The following FAM90A1 variants were observed in gnomAD, a reference collection of about 807,000 sequenced individuals.
FAM90A1 encodes the protein protein FAM90A1.
Under a neutral mutation model 14.8 loss-of-function variants are expected in FAM90A1, and 10 were observed. The ratio of observed to expected loss-of-function variants is 0.67; its 90% CI spans 0.42 to 1.14. The LOEUF is 1.14. FAM90A1 is among the 50% of genes most tolerant of loss of function. FAM90A1 has a pLI of 0.00. For missense variants in FAM90A1, 567 were observed against 602.8 expected (o/e 0.94, Z 0.62); for synonymous variants, 236 against 248.4 (o/e 0.95, Z 0.47).
At position 8,224,818 on chromosome 12, in the gene FAM90A1, A is replaced by G; in HGVS notation, c.15T>C (p.Arg5=). 1.2e-6 allele frequency: 2 copies of G among 1,608,780 alleles called. No individual in the cohort carries two copies. The highest frequency in any genetic ancestry group is 1.7e-6 in the Non-Finnish European group (2 of 1,179,834). ...GTCTCTTTGCCCCAGGTTTGGGGTC[A>G]CGACGTGCCATCATCTTCGTCTCCT... MMAR[R]DPKPGAKRLV... Residue 5 remains arginine, a synonymous_variant, in exon 4 of 7, where the codon CGT becomes CGC. Transcript: ENST00000538603.
chr12:8,223,662 T>C (rs1206943903), intron 5 of FAM90A1, 105 bp from the exon 6 acceptor site: 2 of 764,712 alleles, frequency 2.6e-6, no homozygotes, highest in Admixed American at 1.9e-5. Context: ...GATACAGAAA[T>C]GGACATCTGG....
intron 3 of FAM90A1, among the ~76,000 whole-genome samples, chr12:8,225,289 T>C (rs1358460667): frequency 3.9e-5 from 6 of 152,238 alleles, no homozygotes; most frequent in South Asian, 2.1e-4. Context: ...GGCAGGTCTG[T>C]TTGAAATCTG....
At chr12:8,225,593 C>T (rs1948925943) in intron 3 of FAM90A1, among the ~76,000 whole-genome samples, 1 of 152,156 alleles carries the variant, frequency 6.6e-6, no homozygotes, top group Non-Finnish European at 1.5e-5. Flanking sequence ...GTCCTTTTTC[C>T]ATTTACCCAC....
intron 1 of FAM90A1, among the ~76,000 whole-genome samples, chr12:8,226,894 G>T (rs185886561): frequency 7.2e-6 from 1 of 139,242 alleles, no homozygotes; most frequent in South Asian, 2.3e-4. Context: ...CAACCTCCGC[G>T]TCTCACAGTC....
At chr12:8,225,453 C>T (rs2120855835) in intron 3 of FAM90A1, among the ~76,000 whole-genome samples, 1 of 152,314 alleles carries the variant, frequency 6.6e-6, no homozygotes, top group South Asian at 2.1e-4. Flanking sequence ...GCTTTAGCTC[C>T]AGCCCCTCTT....
chr12:8,226,629 C>T (rs2965686), intron 1 of FAM90A1, among the ~76,000 whole-genome samples, 151 bp from the exon 2 acceptor site: 59,637 of 150,534 alleles, frequency 0.4, 11,194 homozygotes, highest in African/African-American at 0.55. Flanking sequence ...TCCTTAATCC[C>T]CACTGCAGCT....
At position 8,223,461 on chromosome 12, in the gene FAM90A1, A is replaced by G. The variant is rs141050284; in HGVS notation, c.420T>C (p.Ser140=). The change falls in exon 6 of 7, where the codon TCT becomes TCC. Residue 140 remains serine, a synonymous_variant. Transcript: ENST00000538603. The part of the protein sequence containing the change: ...LPNQKGSTES[S]DYLRVASGPM... ...GGGTGACCCTCACCCTCAGATAATC[A>G]GAAGATTCCGTGGATCCTTTTTGAT... The G allele has an allele frequency of 6.2e-7, 1 of 1,606,826 alleles. No homozygotes were observed. Among genetic ancestry groups the G allele is most frequent in the African/African-American group, 1.3e-5 (1 of 74,814 alleles).
In FAM90A1 at chr12:8,227,523, G is replaced by C; in HGVS notation, c.-464C>G. The stretch of plus-strand genomic sequence containing the variant: ...CCGAGGCCAGCTGGCTGCAGGTGCA[G>C]GGCTATGCGTCAGGGGTCAGGGTGC... On this transcript the variant is annotated 5_prime_UTR_variant, in exon 1 of 7. Coordinates refer to ENST00000538603, the MANE Select transcript of FAM90A1 (RefSeq NM_018088.3). 3 of 886,372 alleles carry C rather than the reference G, an allele frequency of 3.4e-6. No homozygotes were observed. The highest frequency in any genetic ancestry group is 1.8e-5 in the South Asian group (1 of 56,274). 54.9% of individuals were successfully genotyped at this position (886,372 alleles called of 1,614,324 possible).
chr12:8,222,424 C>A lies in FAM90A1; in HGVS notation c.793G>T (p.Val265Leu). 1 of 1,610,750 alleles carries A rather than the reference C, an allele frequency of 6.2e-7. No homozygotes were observed. Among genetic ancestry groups the A allele is most frequent in the South Asian group, 1.1e-5 (1 of 90,894 alleles). Residue 265 changes from valine to leucine, a missense_variant, in exon 7 of 7, where the codon GTG becomes TTG. Physicochemically the swap from Val to Leu is conservative, Grantham distance 32. Transcript: ENST00000538603. Reference sequence around the variant, plus strand: ...GCTGGTGGGCAGGGCTGTGAGGTCACCGCAGGACGTTTGTCTTGTGCCTGG... The same window carrying A: ...GCTGGTGGGCAGGGCTGTGAGGTCAACGCAGGACGTTTGTCTTGTGCCTGG... ...SPQAQDKRPA[V>L]TSQPCPPAAT...
At position 8,224,750 on chromosome 12, in the gene FAM90A1, A is replaced by G. The variant is rs201155866; in HGVS notation, c.83T>C (p.Val28Ala). The change falls in exon 4 of 7, where the codon GTT becomes GCT. Residue 28 changes from valine (V) to alanine (A), a missense_variant. Val to Ala is a moderately conservative substitution (Grantham distance 64). Transcript: ENST00000538603. Reference protein sequence around the residue: ...QTLQKQRRAPVGPRAPPPDEE... With the variant: ...QTLQKQRRAPAGPRAPPPDEE... ...ATCGGGCGGGGGAGCCCTTGGCCCA[A>G]CTGGGGCCCTCCGCTGCTTCTGGAG... 5.4e-5 allele frequency: 82 copies of G among 1,511,820 alleles called. No homozygotes were observed. Among genetic ancestry groups the G allele is most frequent in the Non-Finnish European group, 6.5e-5 (73 of 1,120,780 alleles). The allele number at this position is 1,511,820 out of a possible 1,614,324, so 93.7% of individuals were successfully genotyped here. A position where few individuals can be genotyped will look rare whatever the true frequency, so the allele number is the denominator to read the frequency against.
Position 8,226,802 on chromosome 12 carries a change from CTTT to C in FAM90A1, c.-420-327_-420-325del, listed in dbSNP as rs71042351. ...TTTTTTCTTGTTTCTTCATTGATGTCTTTTTTTTTTTTTTTTTTTTTTTTTGAG... is the reference window on the plus strand; with the variant it reads ...TTTTTTCTTGTTTCTTCATTGATGTCTTTTTTTTTTTTTTTTTTTTTTGAG... On this transcript the variant is annotated intron_variant, in intron 1 of 6. Coordinates refer to ENST00000538603, the MANE Select transcript of FAM90A1 (RefSeq NM_018088.3). Among the ~76,000 whole-genome samples the C allele has an allele frequency of 6.6e-3, 524 of 79,628 alleles. 1 individual carries two copies. Among genetic ancestry groups the C allele is most frequent in the African/African-American group, 0.029 (492 of 17,010 alleles). 52.2% of individuals were successfully genotyped at this position (79,628 alleles called of 152,430 possible). A position where few individuals can be genotyped will look rare whatever the true frequency, so the allele number is the denominator to read the frequency against.
rs909080771 is a variant in FAM90A1 at position 8,221,637 on chromosome 12, C to G, written c.*185G>C. The G allele has an allele frequency of 7.2e-6, 5 of 692,316 alleles. No individual in the cohort carries two copies. The African/African-American group carries it at 9.1e-5, about 13-fold the overall frequency. 42.9% of individuals were successfully genotyped at this position (692,316 alleles called of 1,614,324 possible). Reference sequence around the variant, plus strand: ...AACTACAATGTCCCTCACCAGAATTCAACGTGGCAGAGTCCCTGCATCTGC... The same window carrying G: ...AACTACAATGTCCCTCACCAGAATTGAACGTGGCAGAGTCCCTGCATCTGC... On this transcript the variant is annotated 3_prime_UTR_variant, in exon 7 of 7. Coordinates refer to ENST00000538603, the MANE Select transcript of FAM90A1 (RefSeq NM_018088.3).
intron 1 of FAM90A1, among the ~76,000 whole-genome samples, chr12:8,226,936 G>C (rs1029387584): frequency 2.7e-5 from 4 of 150,892 alleles, no homozygotes; most frequent in Admixed American, 2.0e-4. Flanking sequence ...CTCCCGAGTA[G>C]CTGGGACTAC....
intron 1 of FAM90A1, among the ~76,000 whole-genome samples, chr12:8,227,114 G>A (rs1322820853): frequency 6.6e-6 from 1 of 152,130 alleles, no homozygotes; most frequent in Non-Finnish European, 1.5e-5. Context: ...TGTCATTGTT[G>A]CCTTAACCAA....
Position 8,222,920 on chromosome 12 carries a change from G to T in FAM90A1, c.433-136C>A, listed in dbSNP as rs1948867091. ...TCGACAGGCGGTCCTTGGAAGTAGGGACAGACCCTCCACCTGAGTGCTGAT... is the reference window on the plus strand; with the variant it reads ...TCGACAGGCGGTCCTTGGAAGTAGGTACAGACCCTCCACCTGAGTGCTGAT... On this transcript the variant is annotated intron_variant, in intron 6 of 6. Transcript: ENST00000538603. 4.4e-6 allele frequency: 4 copies of T among 901,988 alleles called. No homozygotes were observed. In the Admixed American group the frequency reaches 6.1e-5, roughly 14 times the overall value. 55.9% of individuals were successfully genotyped at this position (901,988 alleles called of 1,614,324 possible).
chr12:8,221,323 C>T lies in FAM90A1; in HGVS notation c.*499G>A. 1 of 203,810 alleles carries T rather than the reference C, an allele frequency of 4.9e-6. No homozygotes were observed. Among genetic ancestry groups the T allele is most frequent in the Non-Finnish European group, 1.0e-5 (1 of 100,406 alleles). The allele number at this position is 203,810 out of a possible 1,614,324, so 12.6% of individuals were successfully genotyped here. A position where few individuals can be genotyped will look rare whatever the true frequency, so the allele number is the denominator to read the frequency against. On this transcript the variant is annotated 3_prime_UTR_variant, in exon 7 of 7. Coordinates refer to ENST00000538603, the MANE Select transcript of FAM90A1 (RefSeq NM_018088.3). ...CAACACACCTATTTACAAAGGGATT[C>T]CAGAGCCCACTTTTCGAGGCTGAGG...
At position 8,224,115 on chromosome 12, in the gene FAM90A1, T is replaced by C; in HGVS notation, c.224A>G (p.Glu75Gly). Residue 75 changes from glutamate to glycine, a missense_variant, in exon 5 of 7, where the codon GAA becomes GGA. By Grantham distance (98) the Glu-to-Gly change is moderately conservative. Coordinates refer to ENST00000538603, the MANE Select transcript of FAM90A1 (RefSeq NM_018088.3). ...TTTCAGGTTTTCCTTCCCTTCCTTTTCCCCAAAGTTCGGTGGAACCAGGGC... is the reference window on the plus strand; with the variant it reads ...TTTCAGGTTTTCCTTCCCTTCCTTTCCCCCAAAGTTCGGTGGAACCAGGGC... Reference protein sequence around the residue: ...KAALVPPNFGEKEGKENLKPW... With the variant: ...KAALVPPNFGGKEGKENLKPW... 1.2e-6 allele frequency: 2 copies of C among 1,612,044 alleles called. No individual in the cohort carries two copies.
In FAM90A1 at chr12:8,222,088, T is replaced by G; in HGVS notation, c.1129A>C (p.Thr377Pro). The change falls in exon 7 of 7, where the codon ACC becomes CCC. Residue 377 changes from threonine (T) to proline (P), a missense_variant. Physicochemically the swap from Thr to Pro is conservative, Grantham distance 38 (BLOSUM62 -1). Transcript: ENST00000538603. ...RPCLPTAQAC[T>P]MSHHPAASHD... ...CTGGCCGCTGGGTGATGGGACATGGTGCAGGCCTGGGCAGTAGGCAGGCAA... is the reference window on the plus strand; with the variant it reads ...CTGGCCGCTGGGTGATGGGACATGGGGCAGGCCTGGGCAGTAGGCAGGCAA... 2 of 1,609,528 alleles carry G rather than the reference T, an allele frequency of 1.2e-6. No homozygotes were observed. Among genetic ancestry groups the G allele is most frequent in the Non-Finnish European group, 8.5e-7 (1 of 1,179,972 alleles).
At position 8,222,052 on chromosome 12, in the gene FAM90A1, C is replaced by A; in HGVS notation, c.1165G>T (p.Ala389Ser). 1 of 1,605,192 alleles carries A rather than the reference C, an allele frequency of 6.2e-7. No individual in the cohort carries two copies. Among genetic ancestry groups the A allele is most frequent in the African/African-American group, 1.3e-5 (1 of 74,986 alleles). Residue 389 changes from alanine to serine, a missense_variant, in exon 7 of 7, where the codon GCC becomes TCC. Physicochemically the swap from Ala to Ser is moderately conservative, Grantham distance 99. Transcript: ENST00000538603. ...SHHPAASHDG[A>S]QPLRVLFRRL... The stretch of plus-strand genomic sequence containing the variant: ...CGAAAGAGCACTCTGAGAGGCTGGG[C>A]CCCATCATGGCTGGCCGCTGGGTGA...
Sources: gnomAD v4.1 joint callset for allele counts (sites outside exome capture counted in the v4.1 genomes callset) on GRCh38, gnomAD v4.1.1 for gene constraint, MANE v1.5 for transcripts, NCBI Gene and HGNC (gene_info 2026-07-23, HGNC 2026-07-21) for gene names.